Variants in RASAL2 observed in about 807,000 individuals in gnomAD.
RASAL2 encodes ras GTPase-activating protein nGAP.
A neutral mutation model predicts 128.9 loss-of-function variants in RASAL2; 58 were observed. The ratio of observed to expected loss-of-function variants is 0.45; its 90% CI spans 0.36 to 0.56. RASAL2 has a LOEUF of 0.56. Ranked by LOEUF, RASAL2 falls within the 20% of genes least tolerant of loss-of-function variation. RASAL2 has a pLI of 0.00. For missense variants in RASAL2, 1,360 were observed against 1,601.6 expected, an observed-to-expected ratio of 0.85 and a Z score of 2.57; for synonymous variants, 561 against 580.8, an observed-to-expected ratio of 0.97 and a Z score of 0.49.
intron 3 of RASAL2, among the ~76,000 whole-genome samples, chr1:178,367,620 A>C (rs1671473186): frequency 6.6e-6 from 1 of 152,132 alleles, no homozygotes; most frequent in Admixed American, 6.5e-5. Context: ...GTATGAGTAC[A>C]AGCAGCTATA....
At chr1:178,187,639 C>T (rs1224092544) in intron 1 of RASAL2, among the ~76,000 whole-genome samples, 4 of 152,134 alleles carry the variant, frequency 2.6e-5, no homozygotes, top group African/African-American at 9.7e-5. Context: ...ACAATTTTTA[C>T]ATTTTTGATG....
chr1:178,439,966 T>TATCCATCCATCC (rs554884956), intron 6 of RASAL2, among the ~76,000 whole-genome samples: 5 of 104,878 alleles, frequency 4.8e-5, no homozygotes, highest in South Asian at 5.5e-4. Context: ...TTTTCTTATT[T>TATCCATCCATCC]ATCCATCCAT....
intron 4 of RASAL2, among the ~76,000 whole-genome samples, chr1:178,399,662 G>T (rs975203694): frequency 4.6e-5 from 7 of 152,228 alleles, no homozygotes; most frequent in African/African-American, 1.2e-4. Flanking sequence ...AGCATGGCAA[G>T]TGGAGACAAA....
intron 1 of RASAL2, among the ~76,000 whole-genome samples, chr1:178,127,415 GA>G (rs1466446265): frequency 6.6e-6 from 1 of 152,074 alleles, no homozygotes; most frequent in Non-Finnish European, 1.5e-5. Flanking sequence ...TTTTTCCTGT[GA>G]AAATAACAAG....
chr1:178,327,886 G>A (rs1369458100), intron 3 of RASAL2, among the ~76,000 whole-genome samples: 1 of 152,116 alleles, frequency 6.6e-6, no homozygotes, highest in African/African-American at 2.4e-5. Context: ...CATAGACATG[G>A]AGGAGAAGGC....
At chr1:178,222,045 G>C (rs1473529831) in intron 1 of RASAL2, among the ~76,000 whole-genome samples, 2 of 152,134 alleles carry the variant, frequency 1.3e-5, no homozygotes, top group African/African-American at 4.8e-5. Context: ...CTGCTGTGCT[G>C]AAGTTAATAT....
At chr1:178,139,719 G>T (rs1239060948) in intron 1 of RASAL2, among the ~76,000 whole-genome samples, 1 of 148,328 alleles carries the variant, frequency 6.7e-6, no homozygotes, top group Non-Finnish European at 1.5e-5. Context: ...GTTGTCATAA[G>T]TTTTTTTTTT....
At chr1:178,322,769 T>C (rs1465152823) in intron 3 of RASAL2, among the ~76,000 whole-genome samples, 3 of 152,230 alleles carry the variant, frequency 2.0e-5, no homozygotes, top group African/African-American at 4.8e-5. Context: ...ACACTTTTAC[T>C]GTATCTCCAC....
intron 1 of RASAL2, among the ~76,000 whole-genome samples, chr1:178,173,901 CTTT>C (rs201900537): frequency 2.4e-4 from 8 of 34,028 alleles, no homozygotes; most frequent in Non-Finnish European, 6.6e-4. Context: ...GAAAAACAAG[CTTT>C]TTTTTTTTTT....
At chr1:178,338,957 AT>A (rs1471992738) in intron 3 of RASAL2, among the ~76,000 whole-genome samples, 1 of 152,240 alleles carries the variant, frequency 6.6e-6, no homozygotes. Context: ...TTTCCCACTT[AT>A]CCCAGAGTTC....
rs1648461270 is a variant in RASAL2 at position 178,473,467 on chromosome 1, G to A, written c.*228G>A. On this transcript the variant is annotated 3_prime_UTR_variant, in exon 18 of 18. Coordinates refer to ENST00000367649, the MANE Select transcript of RASAL2 (RefSeq NM_170692.4). Reference sequence around the variant, plus strand: ...ATGTACATAGGGAACTTAGTTCTGGGCCATGTACAGAAAATATCACTGTAA... The same window carrying A: ...ATGTACATAGGGAACTTAGTTCTGGACCATGTACAGAAAATATCACTGTAA... 3.5e-6 allele frequency: 2 copies of A among 566,282 alleles called. No individual in the cohort carries two copies. Among genetic ancestry groups the A allele is most frequent in the Non-Finnish European group, 6.2e-6 (2 of 321,782 alleles). 35.1% of individuals were successfully genotyped at this position (566,282 alleles called of 1,614,324 possible). A position where few individuals can be genotyped will look rare whatever the true frequency, so the allele number is the denominator to read the frequency against.
At chr1:178,459,925 T>G (rs1159056832) in intron 14 of RASAL2, among the ~76,000 whole-genome samples, 1 of 152,238 alleles carries the variant, frequency 6.6e-6, no homozygotes, top group Non-Finnish European at 1.5e-5. Context: ...ATATGTATTT[T>G]TTATATATAA....
At chr1:178,119,398 G>C (rs560056102) in intron 1 of RASAL2, among the ~76,000 whole-genome samples, 32 of 152,288 alleles carry the variant, frequency 2.1e-4, no homozygotes, top group African/African-American at 7.7e-4. Context: ...GTACTTTAAC[G>C]TGGTTGATAA....
intron 1 of RASAL2, among the ~76,000 whole-genome samples, chr1:178,153,731 C>T (rs1185857418): frequency 6.6e-6 from 1 of 151,980 alleles, no homozygotes; most frequent in Non-Finnish European, 1.5e-5. Flanking sequence ...AATAATGCTA[C>T]TGTAAACTTT....
intron 5 of RASAL2, among the ~76,000 whole-genome samples, chr1:178,437,795 T>G (rs1178874133): frequency 6.6e-6 from 1 of 152,140 alleles, no homozygotes; most frequent in Non-Finnish European, 1.5e-5. Flanking sequence ...TTATAGTTGA[T>G]GTACTATATT....
chr1:178,127,059 G>T (rs534831851), intron 1 of RASAL2, among the ~76,000 whole-genome samples: 1 of 152,032 alleles, frequency 6.6e-6, no homozygotes, highest in Non-Finnish European at 1.5e-5. Flanking sequence ...AGCTTATTTC[G>T]CCTCAGTCAT....
At chr1:178,411,245 C>T (rs575307306) in intron 4 of RASAL2, among the ~76,000 whole-genome samples, 2 of 151,942 alleles carry the variant, frequency 1.3e-5, no homozygotes, top group African/African-American at 2.4e-5. Flanking sequence ...TAATGGCATT[C>T]GCAGAAACCT....
At chr1:178,389,259 C>G (rs1417479524) in intron 3 of RASAL2, 2 of 983,460 alleles carry the variant, frequency 2.0e-6, no homozygotes, top group East Asian at 1.1e-4. Flanking sequence ...AAGCTGGATT[C>G]CTTTATGTCT....
At chr1:178,255,450 G>A (rs1221134465) in intron 1 of RASAL2, among the ~76,000 whole-genome samples, 1 of 152,064 alleles carries the variant, frequency 6.6e-6, no homozygotes, top group African/African-American at 2.4e-5. Context: ...AAAGACATGG[G>A]TGGGAATAAA....
Sources: allele counts gnomAD v4.1 joint callset (sites outside exome capture counted in the v4.1 genomes callset), GRCh38; gene constraint gnomAD v4.1.1; transcripts MANE v1.5; gene names NCBI Gene and HGNC (gene_info 2026-07-23, HGNC 2026-07-21).